Variants in IFRD1 observed in about 807,000 individuals in gnomAD.
The protein encoded by IFRD1 is interferon-related developmental regulator 1.
Under a neutral mutation model 52.9 loss-of-function variants are expected in IFRD1, and 35 were observed. The observed-to-expected ratio is 0.66, with a 90% CI of 0.51 to 0.88. IFRD1 has a LOEUF of 0.88. IFRD1 is among the 40% of genes least tolerant of loss of function. IFRD1 has a pLI of 0.00. For synonymous variants in IFRD1, 184 were observed against 188.4 expected (o/e 0.98, Z 0.19); for missense variants, 517 against 550.8 (o/e 0.94, Z 0.61).
intron 1 of IFRD1, 26 bp from the exon 2 acceptor site, chr7:112,455,737 T>C: frequency 6.8e-7 from 1 of 1,466,290 alleles, no homozygotes; most frequent in East Asian, 2.3e-5. Context: ...TAAAATAATT[T>C]ACCTCTTTCC....
chr7:112,457,400 A>G, intron 4 of IFRD1: 1 of 318,664 alleles, frequency 3.1e-6, no homozygotes, highest in South Asian at 6.7e-5. Context: ...TGTACCTGTA[A>G]ATTACATCAT....
At chr7:112,423,801 C>A (rs961068779) in intron 1 of IFRD1, among the ~76,000 whole-genome samples, 1 of 152,128 alleles carries the variant, frequency 6.6e-6, no homozygotes, top group African/African-American at 2.4e-5. Flanking sequence ...TTTTCAAGAT[C>A]GACATGCTTT....
intron 1 of IFRD1, among the ~76,000 whole-genome samples, chr7:112,441,102 T>C (rs1794873882): frequency 6.6e-6 from 1 of 152,050 alleles, no homozygotes; most frequent in Non-Finnish European, 1.5e-5. Flanking sequence ...GGTGAAACCC[T>C]GTCTTTACGA....
At chr7:112,456,206 A>G (rs564692003) in intron 3 of IFRD1, 120 bp downstream of exon 3, 2 of 733,288 alleles carry the variant, frequency 2.7e-6, no homozygotes, top group East Asian at 5.3e-5. Context: ...TAATTTGTGC[A>G]GCTCTCAGAT....
chr7:112,436,785 G>T lies in IFRD1; in HGVS notation c.-182+13353G>T, dbSNP rs556643468. ...ATGTGCCTATGTTTCTAGACTTGCTGGCCACCTATAAAAGGGTCAGGAAAG... is the reference window on the plus strand; with the variant it reads ...ATGTGCCTATGTTTCTAGACTTGCTTGCCACCTATAAAAGGGTCAGGAAAG... On this transcript the variant is annotated intron_variant, in intron 1 of 12. Transcript: ENST00000005558. Among the ~76,000 whole-genome samples the T allele has an allele frequency of 2.0e-5, 3 of 152,066 alleles. No homozygotes were observed. In the South Asian group the frequency reaches 6.2e-4, roughly 32 times the overall value.
intron 1 of IFRD1, among the ~76,000 whole-genome samples, chr7:112,431,942 G>A (rs1177279848): frequency 6.6e-6 from 1 of 152,138 alleles, no homozygotes; most frequent in Non-Finnish European, 1.5e-5. Context: ...TACATCCTAT[G>A]TGCTCAATAC....
At chr7:112,466,365 T>C (rs552210764) in intron 8 of IFRD1, among the ~76,000 whole-genome samples, 16 of 152,220 alleles carry the variant, frequency 1.1e-4, no homozygotes, top group Non-Finnish European at 2.4e-4. Flanking sequence ...CTAAACTTGA[T>C]TGGGTTTTAT....
chr7:112,453,719 A>T (rs190711577), intron 1 of IFRD1, among the ~76,000 whole-genome samples: 72 of 152,326 alleles, frequency 4.7e-4, no homozygotes, highest in Non-Finnish European at 7.9e-4. Context: ...TAAGCACTCC[A>T]AGAAATTTTG....
At chr7:112,461,497 C>T (rs1795431629) in intron 5 of IFRD1, 2 of 159,238 alleles carry the variant, frequency 1.3e-5, no homozygotes, top group Admixed American at 6.4e-5. Flanking sequence ...GAATGCTTTA[C>T]TGACATAGAC....
intron 4 of IFRD1, among the ~76,000 whole-genome samples, chr7:112,458,577 A>G (rs113208346): frequency 1.3e-5 from 2 of 152,204 alleles, no homozygotes; most frequent in African/African-American, 4.8e-5. Flanking sequence ...ATCCCTTAAG[A>G]TAGATACTAA....
chr7:112,448,653 A>G (rs1277979063), upstream of IFRD1, among the ~76,000 whole-genome samples: 2 of 152,212 alleles, frequency 1.3e-5, no homozygotes, highest in Non-Finnish European at 2.9e-5. Flanking sequence ...GGATTAAACA[A>G]AGTAAAAGCA....
At chr7:112,452,766 A>T (rs1795197045) in intron 1 of IFRD1, among the ~76,000 whole-genome samples, 1 of 152,206 alleles carries the variant, frequency 6.6e-6, no homozygotes, top group East Asian at 1.9e-4. Flanking sequence ...TATTGCTGCT[A>T]CCTTTTCACT....
intron 1 of IFRD1, chr7:112,452,449 T>C: frequency 1.0e-6 from 1 of 983,446 alleles, no homozygotes; most frequent in Non-Finnish European, 1.2e-6. Context: ...TCTGAGGATA[T>C]TTCTTACCAC....
intron 1 of IFRD1, among the ~76,000 whole-genome samples, chr7:112,439,082 A>G (rs925876092): frequency 6.6e-6 from 1 of 152,222 alleles, no homozygotes; most frequent in African/African-American, 2.4e-5. Context: ...AAAGAACAAG[A>G]GAGTGAAAAA....
At chr7:112,461,341 T>C (rs1795426776) in intron 5 of IFRD1, 1 of 152,352 alleles carries the variant, frequency 6.6e-6, no homozygotes, top group African/African-American at 2.4e-5. Flanking sequence ...AATTGTAATG[T>C]GTTTTAAAGG....
chr7:112,442,088 T>C (rs79017873), intron 1 of IFRD1, among the ~76,000 whole-genome samples: 407 of 152,334 alleles, frequency 2.7e-3, no homozygotes, highest in African/African-American at 9.3e-3. Flanking sequence ...TAGTAAGTGG[T>C]TGATAAGGCA....
intron 10 of IFRD1, 73 bp downstream of exon 10, chr7:112,472,420 T>G (rs1049882128): frequency 3.9e-6 from 6 of 1,540,106 alleles, no homozygotes; most frequent in Non-Finnish European, 4.5e-6. Flanking sequence ...CTTAATTGGC[T>G]TTTGAAATTA....
intron 8 of IFRD1, among the ~76,000 whole-genome samples, chr7:112,467,095 A>G (rs1346299884): frequency 2.0e-5 from 3 of 152,234 alleles, no homozygotes; most frequent in Non-Finnish European, 4.4e-5. Context: ...CACCAGTGTA[A>G]TAATCCTTTT....
At chr7:112,451,578 T>C (rs1169033183) in intron 1 of IFRD1, among the ~76,000 whole-genome samples, 1 of 152,076 alleles carries the variant, frequency 6.6e-6, no homozygotes, top group East Asian at 1.9e-4. Context: ...AAAGTTGAGG[T>C]TATTGTGCCC....
Sources: gnomAD v4.1 joint callset for allele counts (sites outside exome capture counted in the v4.1 genomes callset) on GRCh38, gnomAD v4.1.1 for gene constraint, MANE v1.5 for transcripts, NCBI Gene and HGNC (gene_info 2026-07-23, HGNC 2026-07-21) for gene names.